Variants in TANC2 observed in about 807,000 individuals in gnomAD.
TANC2 encodes tetratricopeptide repeat, ankyrin repeat and coiled-coil containing 2.
In TANC2, 26 loss-of-function variants were observed where a neutral mutation model predicts 210.5. The observed-to-expected ratio is 0.12, with a 90% confidence interval of 0.09 to 0.17. The LOEUF (loss-of-function observed/expected upper bound fraction) is 0.17, where lower values mean the gene tolerates loss of function less well. Among genes scored for constraint, TANC2 ranks in the 10% least tolerant of loss-of-function variants. The pLI is 1.00. For missense variants in TANC2, 2,129 were observed against 2,608.9 expected, an observed-to-expected ratio of 0.82 and a Z score of 4.01; for synonymous variants, 931 against 967.1, an observed-to-expected ratio of 0.96 and a Z score of 0.69.
chr17:63,329,667 G>T (rs2045770137), intron 11 of TANC2, among the ~76,000 whole-genome samples: 1 of 152,084 alleles, frequency 6.6e-6, no homozygotes, highest in South Asian at 2.1e-4. Context: ...AGTCTTTGAT[G>T]TTACCATTGT....
chr17:63,007,389 T>C (rs941451943), intron 1 of TANC2, among the ~76,000 whole-genome samples: 2 of 152,216 alleles, frequency 1.3e-5, no homozygotes, highest in African/African-American at 2.4e-5. Context: ...GGTATATCTT[T>C]TCCTGTCATT....
intron 1 of TANC2, among the ~76,000 whole-genome samples, chr17:62,998,005 A>G (rs539769262): frequency 1.3e-5 from 2 of 152,350 alleles, no homozygotes; most frequent in South Asian, 2.1e-4. Context: ...TCAAAACCCA[A>G]TACCAGGAAT....
At chr17:63,085,341 T>C (rs1445282140) in intron 3 of TANC2, among the ~76,000 whole-genome samples, 2 of 152,190 alleles carry the variant, frequency 1.3e-5, no homozygotes, top group Non-Finnish European at 2.9e-5. Flanking sequence ...GTTGGATTAT[T>C]ATCTGCCATA....
chr17:63,235,427 T>TCTGATTTC (rs1384799898), intron 7 of TANC2, among the ~76,000 whole-genome samples: 1 of 152,132 alleles, frequency 6.6e-6, no homozygotes, highest in Non-Finnish European at 1.5e-5. Flanking sequence ...CTGTGATATT[T>TCTGATTTC]CTGATTTCCT....
At chr17:63,039,787 A>G (rs573814172) in intron 2 of TANC2, among the ~76,000 whole-genome samples, 1 of 152,266 alleles carries the variant, frequency 6.6e-6, no homozygotes, top group South Asian at 2.1e-4. Flanking sequence ...AAACTGTTGT[A>G]GTTCTAAAAT....
At chr17:63,130,475 G>A (rs2038877554) in intron 4 of TANC2, among the ~76,000 whole-genome samples, 1 of 150,880 alleles carries the variant, frequency 6.6e-6, no homozygotes, top group African/African-American at 2.4e-5. Flanking sequence ...TTGTACCACT[G>A]CACTCCAGCC....
At position 63,421,102 on chromosome 17, in the gene TANC2, G is replaced by A; in HGVS notation, c.5372G>A (p.Gly1791Asp). Residue 1791 changes from glycine to aspartate, a missense_variant, in exon 28 of 28, where the codon GGT (glycine) becomes GAT (aspartate). Physicochemically the swap from Gly to Asp is moderately conservative, Grantham distance 94. Around this residue, in one of 5 missense-constraint regions of TANC2, gnomAD observed 584 missense variants for 627.3 expected, o/e 0.93. Transcript: ENST00000689528. This position sits in a 1 kb window ranked among gnomAD's most constrained non-coding sequence, Gnocchi z 6.9. The stretch of plus-strand genomic sequence containing the variant: ...CAGCGACCTTCCTCAGCATACCGAG[G>A]TGGCGTGAGATACAGCCAGACACCA... 2 of 1,613,966 alleles carry A rather than the reference G, an allele frequency of 1.2e-6. No homozygotes were observed. Among genetic ancestry groups the A allele is most frequent in the East Asian group, 4.5e-5 (2 of 44,878 alleles).
chr17:63,332,451 C>T, intron 11 of TANC2: 1 of 393,916 alleles, frequency 2.5e-6, no homozygotes, highest in South Asian at 2.1e-5. Flanking sequence ...ATAAAGGACT[C>T]AAAGTGAGTA....
chr17:63,051,968 G>T (rs1036507864), intron 2 of TANC2, among the ~76,000 whole-genome samples: 124 of 152,200 alleles, frequency 8.1e-4, no homozygotes, highest in African/African-American at 2.9e-3. Context: ...TAACCCTGTC[G>T]TAAGGTGAGG....
chr17:63,208,150 GTTTTTTCCT>G (rs2041781074), intron 7 of TANC2, among the ~76,000 whole-genome samples: 1 of 151,568 alleles, frequency 6.6e-6, no homozygotes, highest in Non-Finnish European at 1.5e-5. Flanking sequence ...AAGTTTTTTT[GTTTTTTCCT>G]TTGTATTTTA....
intron 1 of TANC2, among the ~76,000 whole-genome samples, chr17:63,001,430 A>G (rs2033374103): frequency 6.6e-6 from 1 of 151,740 alleles, no homozygotes; most frequent in South Asian, 2.1e-4. Context: ...TGCTCAGTTT[A>G]TTTACTCATT....
chr17:63,314,742 G>A (rs1458179549), intron 10 of TANC2, 73 bp downstream of exon 10: 14 of 1,530,194 alleles, frequency 9.1e-6, no homozygotes, highest in African/African-American at 4.1e-5. Flanking sequence ...ATATTAGGTC[G>A]TATATCCTTT....
chr17:62,973,030 A>ATTTTT (rs113343539), intron 1 of TANC2, among the ~76,000 whole-genome samples: 3 of 132,770 alleles, frequency 2.3e-5, no homozygotes, highest in South Asian at 2.5e-4. Flanking sequence ...TAGTTGCCGC[A>ATTTTT]TTTTTTTTTT....
At chr17:63,302,599 CTTTTTTTTTTTTT>C (rs568226580) in intron 9 of TANC2, among the ~76,000 whole-genome samples, 24 of 22,736 alleles carry the variant, frequency 1.1e-3, no homozygotes, top group African/African-American at 3.8e-3. Flanking sequence ...GCAACCCCTG[CTTTTTTTTTTTTT>C]TTTTTTTTTT....
chr17:63,273,675 A>C (rs932648550), intron 9 of TANC2, among the ~76,000 whole-genome samples: 2 of 152,170 alleles, frequency 1.3e-5, no homozygotes, highest in African/African-American at 2.4e-5. Flanking sequence ...TTGGCTCTAC[A>C]CCTCCAAAGA....
chr17:63,228,023 C>T (rs1436615627), intron 7 of TANC2, among the ~76,000 whole-genome samples: 1 of 152,016 alleles, frequency 6.6e-6, no homozygotes, highest in Non-Finnish European at 1.5e-5. Context: ...ACCACCATGC[C>T]CAGCTAATTT....
exon 9 of TANC2, chr17:63,267,786 G>T: frequency 6.2e-7 from 1 of 1,613,020 alleles, no homozygotes; most frequent in Non-Finnish European, 8.5e-7. Context: ...TGCTTACCTG[G>T]ATGAGCAGAG....
At chr17:63,118,408 T>C (rs1462545690) in intron 4 of TANC2, among the ~76,000 whole-genome samples, 1 of 152,250 alleles carries the variant, frequency 6.6e-6, no homozygotes, top group Non-Finnish European at 1.5e-5. Flanking sequence ...ATATACTGAC[T>C]TTTCTTAAAA....
chr17:63,274,861 G>T (rs1278834989), intron 9 of TANC2, among the ~76,000 whole-genome samples: 1 of 152,046 alleles, frequency 6.6e-6, no homozygotes. Context: ...ATCACCATTA[G>T]GTTAATGTGG....
Sources: gnomAD v4.1 joint callset for allele counts (sites outside exome capture counted in the v4.1 genomes callset) on GRCh38, gnomAD v4.1.1 for gene constraint, gnomAD v4.1.1 regional missense constraint, Gnocchi (gnomAD v3.1) non-coding constraint, MANE v1.5 for transcripts, NCBI Gene and HGNC (gene_info 2026-07-23, HGNC 2026-07-21) for gene names.